DPY19L4: variants seen among roughly 807,000 people sequenced by gnomAD.
DPY19L4 encodes dpy-19 like 4.
In DPY19L4, 97 loss-of-function variants were observed where a neutral mutation model predicts 102.8. The ratio of observed to expected loss-of-function variants is 0.94; its 90% CI spans 0.80 to 1.12. The LOEUF (loss-of-function observed/expected upper bound fraction) is 1.12, where lower values mean the gene tolerates loss of function less well. Among genes scored for constraint, DPY19L4 ranks in the 50% most tolerant of loss-of-function variants. DPY19L4 has a pLI of 0.00. For synonymous variants in DPY19L4, 252 were observed against 283.1 expected (o/e 0.89, Z 1.10); for missense variants, 815 against 850.4 (o/e 0.96, Z 0.52).
intron 15 of DPY19L4, 143 bp from the exon 16 acceptor site, chr8:94,780,941 T>C (rs888973622): frequency 1.7e-6 from 1 of 595,400 alleles, no homozygotes; most frequent in African/African-American, 2.0e-5. Flanking sequence ...CATCATGACA[T>C]TTTTTCCATG....
At chr8:94,734,814 TATG>T (rs1468065108) in intron 3 of DPY19L4, 60 bp downstream of exon 3, 1 of 1,602,986 alleles carries the variant, frequency 6.2e-7, no homozygotes. Context: ...AGAATGTATG[TATG>T]ATAAGTATGA....
At chr8:94,731,510 G>A (rs1269392382) in intron 2 of DPY19L4, among the ~76,000 whole-genome samples, 1 of 152,010 alleles carries the variant, frequency 6.6e-6, no homozygotes, top group Non-Finnish European at 1.5e-5. Flanking sequence ...TCCACCTCCC[G>A]GGTTCAAGCA....
chr8:94,756,568 G>A (rs11985390), intron 7 of DPY19L4, among the ~76,000 whole-genome samples: 7,800 of 152,214 alleles, frequency 0.051, 642 homozygotes, highest in African/African-American at 0.17. Context: ...GCAGCACTGC[G>A]TATTCTGTTT....
At chr8:94,720,488 T>A (rs2130771326) in intron 1 of DPY19L4, among the ~76,000 whole-genome samples, 1 of 152,178 alleles carries the variant, frequency 6.6e-6, no homozygotes, top group South Asian at 2.1e-4. Context: ...GGGATAAACG[T>A]GGCAAGATTA....
rs761446570 is a variant in DPY19L4, at chr8:94,787,926, G to A, written c.1881G>A (p.Glu627=). 1.4e-6 allele frequency: 2 copies of A among 1,454,994 alleles called. No homozygotes were observed. The allele number at this position is 1,454,994 out of a possible 1,614,324, so 90.1% of individuals were successfully genotyped here. A position where few individuals can be genotyped will look rare whatever the true frequency, so the allele number is the denominator to read the frequency against. ...AAATCTATTCAAAGCGATCTGCTGA[G>A]GATATTTATAAAATACTGACATCTT... The part of the protein sequence containing the change: ...IYQIYSKRSA[E]DIYKILTSYK... Residue 627 remains glutamate (E), a synonymous_variant, in exon 18 of 19, where the codon GAG becomes GAA. Transcript: ENST00000414645.
At chr8:94,745,879 C>T (rs927597727) in intron 6 of DPY19L4, among the ~76,000 whole-genome samples, 1 of 151,718 alleles carries the variant, frequency 6.6e-6, no homozygotes, top group Non-Finnish European at 1.5e-5. Context: ...CTCAGCCTCC[C>T]GAGTAGCTGG....
At chr8:94,724,157 T>G (rs906099470) in intron 1 of DPY19L4, among the ~76,000 whole-genome samples, 1 of 152,230 alleles carries the variant, frequency 6.6e-6, no homozygotes, top group East Asian at 1.9e-4. Context: ...ATTTTTAGAC[T>G]CTAATGGAAA....
At position 94,791,874 on chromosome 8, in the gene DPY19L4, A is replaced by G. The variant is rs975169360; in HGVS notation, c.*1964A>G. 8.5e-5 allele frequency: 13 copies of G among 152,338 alleles called. No individual in the cohort carries two copies. The highest frequency in any genetic ancestry group is 3.1e-4 in the African/African-American group (13 of 41,578). 9.4% of individuals were successfully genotyped at this position (152,338 alleles called of 1,614,324 possible). On this transcript the variant is annotated 3_prime_UTR_variant, in exon 19 of 19. Coordinates refer to ENST00000414645, the MANE Select transcript of DPY19L4 (RefSeq NM_181787.3). ...GGATGTTTTAAATAATGAATTTTTC[A>G]TCCAGCATCAGTTGAAAAGGAAAAG...
intron 13 of DPY19L4, among the ~76,000 whole-genome samples, chr8:94,774,117 C>A (rs1230121367): frequency 6.6e-6 from 1 of 151,202 alleles, no homozygotes; most frequent in Non-Finnish European, 1.5e-5. Context: ...CATCACAGCT[C>A]ACTGTGCTCT....
At chr8:94,734,882 G>T (rs1811129988) in intron 3 of DPY19L4, 128 bp downstream of exon 3, 9 of 1,282,610 alleles carry the variant, frequency 7.0e-6, no homozygotes, top group Non-Finnish European at 9.7e-6. Context: ...AAGCTGTTTT[G>T]AGAATATAGT....
intron 16 of DPY19L4, among the ~76,000 whole-genome samples, chr8:94,782,552 T>C (rs983739314): frequency 2.7e-5 from 4 of 149,804 alleles, no homozygotes; most frequent in African/African-American, 7.6e-5. Context: ...AATAACTACA[T>C]TGAAATTTAT....
intron 13 of DPY19L4, 30 bp from the exon 14 acceptor site, chr8:94,777,636 C>T (rs1318004577): frequency 6.2e-7 from 1 of 1,603,946 alleles, no homozygotes; most frequent in Non-Finnish European, 8.5e-7. Flanking sequence ...CACAGGATGT[C>T]TCATGTATGA....
intron 7 of DPY19L4, among the ~76,000 whole-genome samples, chr8:94,758,945 A>G (rs3924074): frequency 0.19 from 29,068 of 151,920 alleles, 3,739 homozygotes; most frequent in African/African-American, 0.37. Flanking sequence ...ATGTTGGCCA[A>G]GCTGGTCTTG....
chr8:94,791,311 G>A lies in DPY19L4; in HGVS notation c.*1401G>A, dbSNP rs116469718. ...AGCTTTTCCGTTGTCTTTATTTTCTGTTATACATGTGTTGTTAAAGTACAT... is the reference window on the plus strand; with the variant it reads ...AGCTTTTCCGTTGTCTTTATTTTCTATTATACATGTGTTGTTAAAGTACAT... On this transcript the variant is annotated 3_prime_UTR_variant, in exon 19 of 19. Coordinates refer to ENST00000414645, the MANE Select transcript of DPY19L4 (RefSeq NM_181787.3). The A allele has an allele frequency of 6.6e-6, 1 of 152,080 alleles. No homozygotes were observed. Among genetic ancestry groups the A allele is most frequent in the Non-Finnish European group, 1.5e-5 (1 of 67,976 alleles). The allele number at this position is 152,080 out of a possible 1,614,324, so 9.4% of individuals were successfully genotyped here.
chr8:94,732,290 C>T lies in DPY19L4; in HGVS notation c.128-2340C>T, dbSNP rs147668976. Reference sequence around the variant, plus strand: ...CGGTAACAGAACGCTGGGTTTTAGGCCTTTAGTCCCTTATTTTTTTTATTA... The same window carrying T: ...CGGTAACAGAACGCTGGGTTTTAGGTCTTTAGTCCCTTATTTTTTTTATTA... On this transcript the variant is annotated intron_variant, in intron 2 of 18. Coordinates refer to ENST00000414645, the MANE Select transcript of DPY19L4 (RefSeq NM_181787.3). Among the ~76,000 whole-genome samples the T allele has an allele frequency of 1.5e-3, 225 of 152,090 alleles. 1 individual carries two copies. The highest frequency in any genetic ancestry group is 2.9e-3 in the Non-Finnish European group (196 of 68,000).
chr8:94,727,726 A>G (rs554128912), intron 2 of DPY19L4, among the ~76,000 whole-genome samples: 2 of 152,284 alleles, frequency 1.3e-5, no homozygotes, highest in East Asian at 3.9e-4. Context: ...AGGGAAGCTC[A>G]TTAGTGACTC....
intron 16 of DPY19L4, among the ~76,000 whole-genome samples, chr8:94,782,534 A>G (rs4548145): frequency 0.89 from 133,922 of 150,742 alleles, 59,682 homozygotes; most frequent in East Asian, 0.96. Context: ...CATGGATGGA[A>G]ACTATGAAAT....
intron 14 of DPY19L4, among the ~76,000 whole-genome samples, 198 bp downstream of exon 14, chr8:94,777,984 A>G (rs578075532): frequency 6.6e-6 from 1 of 152,338 alleles, no homozygotes; most frequent in Admixed American, 6.5e-5. Context: ...TAATCCAAGC[A>G]CTTTGGGAGG....
chr8:94,749,548 G>A (rs1007267282), intron 6 of DPY19L4, among the ~76,000 whole-genome samples: 1 of 152,062 alleles, frequency 6.6e-6, no homozygotes, highest in African/African-American at 2.4e-5. Context: ...AACTTAACTC[G>A]ATTGGCGAAT....
Sources: gnomAD v4.1 joint callset for allele counts (sites outside exome capture counted in the v4.1 genomes callset) on GRCh38, gnomAD v4.1.1 for gene constraint, MANE v1.5 for transcripts, NCBI Gene and HGNC (gene_info 2026-07-23, HGNC 2026-07-21) for gene names.